The following PYROXD1 variants were observed in gnomAD, a reference collection of about 807,000 sequenced individuals.
PYROXD1 encodes the protein tRNA ligase complex-associated NAD(P)H dehydrogenase PYROXD1.
In PYROXD1, 42 loss-of-function variants were observed where a neutral mutation model predicts 62.0. That is an observed-to-expected ratio of 0.68 (90% CI 0.53 to 0.88). PYROXD1 has a LOEUF of 0.88. PYROXD1 is among the 40% of genes least tolerant of loss of function. The pLI is 0.00. For missense variants in PYROXD1, 493 were observed against 604.8 expected (o/e 0.82, Z 1.94); for synonymous variants, 170 against 206.4 (o/e 0.82, Z 1.51).
rs1433998601 is a variant in PYROXD1 at position 21,469,923 on chromosome 12, G to A, written c.*1169G>A. 3.3e-5 allele frequency: 10 copies of A among 300,984 alleles called. No individual in the cohort carries two copies. Among genetic ancestry groups the A allele is most frequent in the African/African-American group, 1.6e-4 (7 of 44,790 alleles). The allele number at this position is 300,984 out of a possible 1,614,324, so 18.6% of individuals were successfully genotyped here. A position where few individuals can be genotyped will look rare whatever the true frequency, so the allele number is the denominator to read the frequency against. On this transcript the variant is annotated 3_prime_UTR_variant, in exon 12 of 12. Transcript: ENST00000240651. ...TATAAAGGCATAAAAAACTTAAGACGATTGTATGAACTTATTCTCAAATAT... is the reference window on the plus strand; with the variant it reads ...TATAAAGGCATAAAAAACTTAAGACAATTGTATGAACTTATTCTCAAATAT...
chr12:21,444,937 T>G (rs1307084989), intron 2 of PYROXD1, among the ~76,000 whole-genome samples: 1 of 152,042 alleles, frequency 6.6e-6, no homozygotes, highest in Non-Finnish European at 1.5e-5. Context: ...GGAAAGTGAG[T>G]CTAGAATACT....
chr12:21,437,687 T>G lies in PYROXD1; in HGVS notation c.-44T>G, dbSNP rs2058464. The G allele has an allele frequency of 6.3e-7, 1 of 1,575,048 alleles. No homozygotes were observed. The highest frequency in any genetic ancestry group is 1.9e-5 in the Admixed American group (1 of 53,830). ...TCCTCTCCTGGAGTCCAGAGTCCCG[T>G]TGCTCCGCCGCGATATTCAGTAAAC... On this transcript the variant is annotated 5_prime_UTR_variant, in exon 1 of 12. Coordinates refer to ENST00000240651, the MANE Select transcript of PYROXD1 (RefSeq NM_024854.5).
chr12:21,449,440 C>G (rs959964087), intron 3 of PYROXD1, 123 bp from the exon 4 acceptor site: 2 of 793,990 alleles, frequency 2.5e-6, no homozygotes, highest in Admixed American at 6.7e-5. Context: ...CTGAGTGCCA[C>G]CAAGAGGCAA....
chr12:21,447,165 A>G (rs1036559527), intron 3 of PYROXD1, among the ~76,000 whole-genome samples: 1 of 152,196 alleles, frequency 6.6e-6, no homozygotes, highest in Non-Finnish European at 1.5e-5. Context: ...AGTTGTTTCT[A>G]TAAGCAGTTC....
At chr12:21,462,602 A>C (rs1445105289) in intron 9 of PYROXD1, 138 bp from the exon 10 acceptor site, 2 of 940,628 alleles carry the variant, frequency 2.1e-6, no homozygotes, top group Non-Finnish European at 3.2e-6. Context: ...CAGGTGTCTA[A>C]ACTTTGCTGA....
At chr12:21,451,226 TCTC>T in intron 4 of PYROXD1, among the ~76,000 whole-genome samples, 1 of 106,858 alleles carries the variant, frequency 9.4e-6, no homozygotes, top group Middle Eastern at 5.3e-3. Context: ...GGCTTCTCTC[TCTC>T]TTTTTTTTTT....
At chr12:21,439,516 T>C (rs181320163) in intron 1 of PYROXD1, among the ~76,000 whole-genome samples, 14 of 152,240 alleles carry the variant, frequency 9.2e-5, no homozygotes, top group African/African-American at 3.4e-4. Flanking sequence ...ACTTGTAATC[T>C]TAGAACTTTG....
intron 7 of PYROXD1, chr12:21,457,049 C>G (rs1049825567): frequency 1.9e-5 from 6 of 308,806 alleles, no homozygotes; most frequent in Non-Finnish European, 3.2e-5. Flanking sequence ...CTGCCTTTCT[C>G]CATTGAAATC....
intron 2 of PYROXD1, among the ~76,000 whole-genome samples, chr12:21,443,730 G>T (rs997345008): frequency 6.6e-6 from 1 of 151,972 alleles, no homozygotes; most frequent in Non-Finnish European, 1.5e-5. Context: ...CATTTAATAC[G>T]ATGTCTCTGG....
At chr12:21,446,410 G>C (rs555143714) in intron 3 of PYROXD1, among the ~76,000 whole-genome samples, 3 of 152,068 alleles carry the variant, frequency 2.0e-5, no homozygotes, top group African/African-American at 7.2e-5. Context: ...GGGCGACAGA[G>C]CGAGACTCCT....
At chr12:21,459,282 A>T (rs934507392) in intron 7 of PYROXD1, among the ~76,000 whole-genome samples, 1 of 152,180 alleles carries the variant, frequency 6.6e-6, no homozygotes, top group Non-Finnish European at 1.5e-5. Flanking sequence ...CACAGTTTCC[A>T]TGAAAACCCA....
At chr12:21,452,799 T>C (rs1050579667) in intron 5 of PYROXD1, among the ~76,000 whole-genome samples, 2 of 152,114 alleles carry the variant, frequency 1.3e-5, no homozygotes, top group Non-Finnish European at 2.9e-5. Flanking sequence ...ATAGTCTGGA[T>C]CTTTTTCAGG....
At chr12:21,453,408 G>A (rs909461659) in intron 5 of PYROXD1, among the ~76,000 whole-genome samples, 12 of 151,956 alleles carry the variant, frequency 7.9e-5, no homozygotes, top group African/African-American at 2.7e-4. Flanking sequence ...TTTGTCTCTC[G>A]TGAAACTTGG....
intron 7 of PYROXD1, among the ~76,000 whole-genome samples, chr12:21,457,669 T>G (rs892774795): frequency 1.1e-4 from 16 of 152,074 alleles, no homozygotes; most frequent in Admixed American, 1.0e-3. Context: ...AGGGGAATTA[T>G]GCACTTCTTA....
At position 21,437,741 on chromosome 12, in the gene PYROXD1, C is replaced by G; in HGVS notation, c.11C>G (p.Ala4Gly). MEA[A>G]RPPPTAGKFV... ...TGGGAGTCCGGCAGCATGGAGGCAG[C>G]GCGCCCTCCCCCGACGGCAGGGAAG... The change falls in exon 1 of 12, where the codon GCG becomes GGG. Residue 4 changes from alanine to glycine, a missense_variant. Physicochemically the swap from Ala to Gly is moderately conservative, Grantham distance 60 (BLOSUM62 0). This residue lies in a region of PYROXD1 where 164 missense variants were observed against 158.2 expected (regional missense o/e 1.04). Coordinates refer to ENST00000240651, the MANE Select transcript of PYROXD1 (RefSeq NM_024854.5). 2 of 1,612,122 alleles carry G rather than the reference C, an allele frequency of 1.2e-6. No homozygotes were observed. The highest frequency in any genetic ancestry group is 1.7e-6 in the Non-Finnish European group (2 of 1,179,396).
Position 21,456,907 on chromosome 12 carries a change from A to C in PYROXD1, c.750+812A>C, listed in dbSNP as rs1042280832. 6.6e-6 allele frequency: 3 copies of C among 453,536 alleles called. No homozygotes were observed. In the Admixed American group the frequency reaches 7.2e-5, roughly 11 times the overall value. 28.1% of individuals were successfully genotyped at this position (453,536 alleles called of 1,614,324 possible). A position where few individuals can be genotyped will look rare whatever the true frequency, so the allele number is the denominator to read the frequency against. ...TCACCAGAAGTAAACTCCATCTCAG[A>C]TAACTACGTTCTTTGCTCATCCATG... On this transcript the variant is annotated intron_variant, in intron 7 of 11. Coordinates refer to ENST00000240651, the MANE Select transcript of PYROXD1 (RefSeq NM_024854.5).
intron 1 of PYROXD1, chr12:21,438,084 A>G (rs1399275121): frequency 4.0e-6 from 2 of 498,412 alleles, no homozygotes; most frequent in Non-Finnish European, 7.1e-6. Flanking sequence ...TTGTAATGTC[A>G]GAGCAGACAT....
intron 5 of PYROXD1, among the ~76,000 whole-genome samples, chr12:21,454,495 A>G (rs1331755109): frequency 6.6e-6 from 1 of 152,016 alleles, no homozygotes; most frequent in African/African-American, 2.4e-5. Context: ...ACTTCTTAGC[A>G]TCTAAACCTA....
At chr12:21,466,011 G>A (rs1281960275) in intron 10 of PYROXD1, among the ~76,000 whole-genome samples, 1 of 152,122 alleles carries the variant, frequency 6.6e-6, no homozygotes, top group Non-Finnish European at 1.5e-5. Flanking sequence ...GTTCTGTTCT[G>A]CTCGATTGGT....
Sources: gnomAD v4.1 joint callset for allele counts (sites outside exome capture counted in the v4.1 genomes callset) on GRCh38, gnomAD v4.1.1 for gene constraint, gnomAD v4.1.1 regional missense constraint, MANE v1.5 for transcripts, NCBI Gene and HGNC (gene_info 2026-07-23, HGNC 2026-07-21) for gene names.